FGD5: variants seen among roughly 807,000 people sequenced by gnomAD.
FGD5 encodes the protein FYVE, RhoGEF and PH domain-containing protein 5.
Under a neutral mutation model 133.4 loss-of-function variants are expected in FGD5, and 28 were observed. The ratio of observed to expected loss-of-function variants is 0.21; its 90% CI spans 0.16 to 0.29. The LOEUF is 0.29. FGD5 is among the 10% of genes least tolerant of loss of function. FGD5 has a pLI of 1.00. For synonymous variants in FGD5, 810 were observed against 776.5 expected (o/e 1.04, Z -0.72); for missense variants, 1,858 against 1,895.2 (o/e 0.98, Z 0.36).
upstream of FGD5, among the ~76,000 whole-genome samples, chr3:14,818,211 G>C (rs1020238616): frequency 6.6e-6 from 1 of 152,134 alleles, no homozygotes; most frequent in Non-Finnish European, 1.5e-5. Flanking sequence ...ATGTTGGCAC[G>C]TACTATATAA....
chr3:14,908,945 T>TTC lies in FGD5; in HGVS notation c.3336+1234_3336+1235insTC, dbSNP rs1553630938. Among the ~76,000 whole-genome samples the TTC allele has an allele frequency of 1.6e-3, 227 of 143,438 alleles. 1 individual carries two copies. The highest frequency in any genetic ancestry group is 0.011 in the South Asian group (49 of 4,314). The allele number at this position is 143,438 out of a possible 152,430, so 94.1% of individuals were successfully genotyped here. A position where few individuals can be genotyped will look rare whatever the true frequency, so the allele number is the denominator to read the frequency against. ...GAATTTATTTATTTATTTATTTATT[T>TTC]ATTTATTCATTCATTCATTCATTCA... On this transcript the variant is annotated intron_variant, in intron 10 of 19. Coordinates refer to ENST00000285046, the MANE Select transcript of FGD5 (RefSeq NM_152536.4).
At chr3:14,886,956 C>T (rs1423117948) in intron 4 of FGD5, among the ~76,000 whole-genome samples, 1 of 152,234 alleles carries the variant, frequency 6.6e-6, no homozygotes, top group Non-Finnish European at 1.5e-5. Context: ...CCAGCATACG[C>T]CCTAGCCTAC....
At chr3:14,856,676 C>T (rs188047514) in intron 1 of FGD5, among the ~76,000 whole-genome samples, 309 of 151,656 alleles carry the variant, frequency 2.0e-3, no homozygotes, top group African/African-American at 5.0e-3. Context: ...CTTGAAAAAT[C>T]GTTCTCAGCT....
upstream of FGD5, chr3:14,818,931 C>T: frequency 7.0e-7 from 1 of 1,434,974 alleles, no homozygotes; most frequent in Admixed American, 3.0e-5. Flanking sequence ...TACTTTTTCT[C>T]CTTTTCTCTA....
intron 1 of FGD5, among the ~76,000 whole-genome samples, chr3:14,844,204 T>TCAAAAAA (rs1431479698): frequency 5.8e-5 from 1 of 17,242 alleles, no homozygotes; most frequent in African/African-American, 2.1e-4. Flanking sequence ...TAATAGGCAT[T>TCAAAAAA]AAAAAAAAAA....
intron 1 of FGD5, among the ~76,000 whole-genome samples, chr3:14,845,564 T>A (rs1007396577): frequency 6.6e-6 from 1 of 152,180 alleles, no homozygotes; most frequent in East Asian, 1.9e-4. Flanking sequence ...GAACAGGTGA[T>A]GCAGGCAGGG....
intron 2 of FGD5, among the ~76,000 whole-genome samples, chr3:14,867,741 A>T (rs2037524281): frequency 6.6e-6 from 1 of 152,038 alleles, no homozygotes; most frequent in Non-Finnish European, 1.5e-5. Flanking sequence ...CTCCATCCTC[A>T]TTTGTCTTCC....
intron 1 of FGD5, among the ~76,000 whole-genome samples, chr3:14,840,696 A>C (rs996345061): frequency 6.6e-6 from 1 of 152,168 alleles, no homozygotes; most frequent in Admixed American, 6.5e-5. Flanking sequence ...AGCTTTATCC[A>C]TATTTACATA....
At chr3:14,929,822 A>G (rs78171528) in intron 18 of FGD5, among the ~76,000 whole-genome samples, 6,770 of 152,306 alleles carry the variant, frequency 0.044, 503 homozygotes, top group African/African-American at 0.15. Flanking sequence ...TTTCTAATGA[A>G]TGAATGAATG....
At chr3:14,899,383 C>G (rs1490588369) in intron 7 of FGD5, among the ~76,000 whole-genome samples, 1 of 152,172 alleles carries the variant, frequency 6.6e-6, no homozygotes, top group African/African-American at 2.4e-5. Flanking sequence ...TCTTTATGCC[C>G]TTTCCCCTAT....
At chr3:14,932,493 T>G in intron 18 of FGD5, 84 bp from the exon 19 acceptor site, 1 of 1,475,546 alleles carries the variant, frequency 6.8e-7, no homozygotes, top group Non-Finnish European at 9.1e-7. Context: ...GAGGCACTCT[T>G]CACGCATCTC....
chr3:14,879,973 A>G (rs1450394569), intron 2 of FGD5, among the ~76,000 whole-genome samples: 1 of 152,210 alleles, frequency 6.6e-6, no homozygotes, highest in Non-Finnish European at 1.5e-5. Context: ...TGCCATCATC[A>G]TGGCCATTGA....
At chr3:14,930,076 G>T (rs1352480515) in intron 18 of FGD5, among the ~76,000 whole-genome samples, 1 of 152,140 alleles carries the variant, frequency 6.6e-6, no homozygotes, top group Non-Finnish European at 1.5e-5. Flanking sequence ...ATATCCAGTT[G>T]TTCCAGCACC....
chr3:14,880,619 T>C lies in FGD5; in HGVS notation c.2706T>C (p.Ser902=). 6.2e-7 allele frequency: 1 copy of C among 1,614,016 alleles called. No individual in the cohort carries two copies. The highest frequency in any genetic ancestry group is 8.5e-7 in the Non-Finnish European group (1 of 1,179,898). ...RALVIAQELL[S]SEKAYVEMLQ... ...TTGTCATCGCACAGGAACTGCTATC[T>C]TCAGAGAAAGCGTGAGTCCCCAAGG... Residue 902 remains serine, a synonymous_variant, in exon 3 of 20, where the codon TCT becomes TCC. Transcript: ENST00000285046.
intron 1 of FGD5, among the ~76,000 whole-genome samples, chr3:14,838,519 C>G (rs2036860994): frequency 6.6e-6 from 1 of 152,162 alleles, no homozygotes; most frequent in African/African-American, 2.4e-5. Context: ...TGATTCAGGT[C>G]TATCCCAAAT....
At chr3:14,843,824 G>A (rs2036973279) in intron 1 of FGD5, among the ~76,000 whole-genome samples, 7 of 151,096 alleles carry the variant, frequency 4.6e-5, no homozygotes, top group Admixed American at 4.6e-4. Flanking sequence ...CTGAGTAGCT[G>A]GGATTACAGG....
chr3:14,889,293 G>T lies in FGD5; in HGVS notation c.2749-8216G>T, dbSNP rs973421630. Reference sequence around the variant, plus strand: ...CCCTCCCAAAGGTTACCACTGTTTTGCTCTCTGTCACATGAGAGTGGTTTA... The same window carrying T: ...CCCTCCCAAAGGTTACCACTGTTTTTCTCTCTGTCACATGAGAGTGGTTTA... On this transcript the variant is annotated intron_variant, in intron 4 of 19. Transcript: ENST00000285046. Among the ~76,000 whole-genome samples, 4 of 152,276 alleles carry T rather than the reference G, an allele frequency of 2.6e-5. 1 individual carries two copies. The highest frequency in any genetic ancestry group is 2.9e-5 in the Non-Finnish European group (2 of 68,032).
At chr3:14,887,052 G>A (rs930470222) in intron 4 of FGD5, among the ~76,000 whole-genome samples, 8 of 152,224 alleles carry the variant, frequency 5.3e-5, no homozygotes, top group African/African-American at 1.9e-4. Context: ...CATAGGTCGA[G>A]CTGACGGATC....
rs1553632484 is a variant in FGD5, at chr3:14,925,126, A to AC, written c.4069-944_4069-943insC. Among the ~76,000 whole-genome samples, 181 of 127,554 alleles carry AC rather than the reference A, an allele frequency of 1.4e-3. 31 individuals are homozygous for AC. The highest frequency in any genetic ancestry group is 5.1e-3 in the African/African-American group (172 of 33,964). 83.7% of individuals were successfully genotyped at this position (127,554 alleles called of 152,430 possible). On this transcript the variant is annotated intron_variant, in intron 17 of 19. Transcript: ENST00000285046. ...AAAAAAAAAAAAAAAAAAAAAAAAAAAACACATACATGGTTAAACATTTTT... is the reference window on the plus strand; with the variant it reads ...AAAAAAAAAAAAAAAAAAAAAAAAAACAACACATACATGGTTAAACATTTTT...
Sources: allele counts gnomAD v4.1 joint callset (sites outside exome capture counted in the v4.1 genomes callset), GRCh38; gene constraint gnomAD v4.1.1; transcripts MANE v1.5; gene names NCBI Gene and HGNC (gene_info 2026-07-23, HGNC 2026-07-21).